UNC5D: variants seen among roughly 807,000 people sequenced by gnomAD.
UNC5D encodes unc-5 netrin receptor D, also known as netrin receptor UNC5D.
UNC5D carries 39 observed loss-of-function variants against 105.4 expected under a neutral mutation model. That is an observed-to-expected ratio of 0.37 (90% confidence interval 0.29 to 0.48). The LOEUF (loss-of-function observed/expected upper bound fraction) is 0.48. UNC5D is among the 20% of genes least tolerant of loss of function. The pLI is 0.98. For missense variants in UNC5D, 991 were observed against 1,202.4 expected, an observed-to-expected ratio of 0.82 and a Z score of 2.60; for synonymous variants, 452 against 450.4, an observed-to-expected ratio of 1.00 and a Z score of -0.04.
rs36035512 is a variant in UNC5D at position 35,267,082 on chromosome 8, A to ATT, written c.103+31212_103+31213dup. 7.6e-3 allele frequency among the ~76,000 whole-genome samples: 1,047 copies of ATT among 137,234 alleles called. 21 individuals are homozygous for ATT. Among genetic ancestry groups the ATT allele is most frequent in the African/African-American group, 0.018 (651 of 37,040 alleles). 90.0% of individuals were successfully genotyped at this position (137,234 alleles called of 152,430 possible). A position where few individuals can be genotyped will look rare whatever the true frequency, so the allele number is the denominator to read the frequency against. ...CCATATATCACTGCCACAGGGACTG[A>ATT]TTTTTTTTTTTTTTTTTTGATGAGC... On this transcript the variant is annotated intron_variant, in intron 1 of 16. Coordinates refer to ENST00000404895, the MANE Select transcript of UNC5D (RefSeq NM_080872.4).
At chr8:35,319,325 T>C (rs1349778716) in intron 1 of UNC5D, among the ~76,000 whole-genome samples, 1 of 152,148 alleles carries the variant, frequency 6.6e-6, no homozygotes, top group Non-Finnish European at 1.5e-5. Context: ...ATTTTAAATG[T>C]ATGCCTCTAC....
intron 1 of UNC5D, among the ~76,000 whole-genome samples, chr8:35,288,971 A>G (rs1806830587): frequency 6.6e-6 from 1 of 152,234 alleles, no homozygotes; most frequent in African/African-American, 2.4e-5. Flanking sequence ...ATCAGGAAAC[A>G]AATTACAAAA....
intron 4 of UNC5D, among the ~76,000 whole-genome samples, chr8:35,666,102 T>C (rs1470265667): frequency 6.6e-6 from 1 of 152,104 alleles, no homozygotes; most frequent in East Asian, 1.9e-4. Context: ...CTGAGATAAA[T>C]CTATGACCAC....
At chr8:35,360,032 G>T (rs944412851) in intron 1 of UNC5D, among the ~76,000 whole-genome samples, 8 of 152,150 alleles carry the variant, frequency 5.3e-5, no homozygotes, top group Non-Finnish European at 1.5e-5. Flanking sequence ...AAGAGTTTCA[G>T]AGTTTCTTTT....
intron 4 of UNC5D, among the ~76,000 whole-genome samples, chr8:35,645,527 C>CTGTGTGTG (rs374310163): frequency 1.6e-4 from 23 of 145,382 alleles, no homozygotes; most frequent in Non-Finnish European, 2.6e-4. Context: ...TGTGTGTGTG[C>CTGTGTGTG]TGTGTGTGTG....
intron 3 of UNC5D, among the ~76,000 whole-genome samples, chr8:35,577,926 T>C (rs1272555108): frequency 6.6e-6 from 1 of 152,220 alleles, no homozygotes; most frequent in East Asian, 1.9e-4. Flanking sequence ...ACTTCAATGA[T>C]ATCCTTAGAA....
At chr8:35,724,751 T>C (rs756771325) in intron 9 of UNC5D, among the ~76,000 whole-genome samples, 46 of 152,280 alleles carry the variant, frequency 3.0e-4, no homozygotes, top group Non-Finnish European at 5.9e-4. Flanking sequence ...GCATGTGGCT[T>C]TTGAGGTCTC....
At chr8:35,600,369 A>T (rs984818091) in intron 4 of UNC5D, among the ~76,000 whole-genome samples, 22 of 152,304 alleles carry the variant, frequency 1.4e-4, no homozygotes, top group African/African-American at 5.1e-4. Context: ...ATCCCTGAGG[A>T]ATTGCTGCAC....
At chr8:35,770,100 C>T (rs535550401) in intron 15 of UNC5D, among the ~76,000 whole-genome samples, 1 of 152,114 alleles carries the variant, frequency 6.6e-6, no homozygotes. Context: ...ACCCAGGTCT[C>T]TATTGGTGAG....
At chr8:35,325,293 A>G (rs893576223) in intron 1 of UNC5D, among the ~76,000 whole-genome samples, 1 of 152,204 alleles carries the variant, frequency 6.6e-6, no homozygotes, top group African/African-American at 2.4e-5. Flanking sequence ...AATTATTTTT[A>G]AAAAGACTTA....
chr8:35,517,947 G>A (rs146562437), intron 1 of UNC5D, among the ~76,000 whole-genome samples: 1 of 152,054 alleles, frequency 6.6e-6, no homozygotes, highest in South Asian at 2.1e-4. Context: ...TTTCATAAGG[G>A]CACTAGTCTC....
chr8:35,447,537 C>G (rs1263440755), intron 1 of UNC5D, among the ~76,000 whole-genome samples: 2 of 152,018 alleles, frequency 1.3e-5, no homozygotes, highest in Non-Finnish European at 2.9e-5. Context: ...TTTTCTAAGC[C>G]TGTTTCTACA....
intron 1 of UNC5D, 99 bp downstream of exon 1, chr8:35,235,986 G>A (rs1802431742): frequency 1.9e-6 from 2 of 1,062,344 alleles, no homozygotes; most frequent in East Asian, 3.3e-5. Context: ...CCCAACTTGC[G>A]CCCTGCACCT....
chr8:35,789,895 A>AACACACACACACAC (rs56702865), intron 16 of UNC5D, among the ~76,000 whole-genome samples: 95 of 142,776 alleles, frequency 6.7e-4, no homozygotes, highest in African/African-American at 2.4e-3. Flanking sequence ...TCAAGAAGAA[A>AACACACACACACAC]ACACACACAC....
chr8:35,250,275 CTTGT>C (rs975727250), intron 1 of UNC5D, among the ~76,000 whole-genome samples: 7 of 151,962 alleles, frequency 4.6e-5, no homozygotes, highest in African/African-American at 1.7e-4. Flanking sequence ...TTGTTGTTTG[CTTGT>C]TTGTTTGTTT....
chr8:35,615,221 G>C (rs867294185), intron 4 of UNC5D, among the ~76,000 whole-genome samples: 5 of 152,142 alleles, frequency 3.3e-5, no homozygotes, highest in Admixed American at 6.5e-5. Flanking sequence ...CGTGGGGCCA[G>C]AGATAACATT....
At chr8:35,513,436 T>C (rs1449767749) in intron 1 of UNC5D, among the ~76,000 whole-genome samples, 3 of 151,578 alleles carry the variant, frequency 2.0e-5, no homozygotes, top group African/African-American at 7.3e-5. Flanking sequence ...ATCATGTTGG[T>C]CAGGCTGGTC....
intron 1 of UNC5D, among the ~76,000 whole-genome samples, chr8:35,350,875 C>T (rs1484616741): frequency 2.0e-5 from 3 of 151,890 alleles, no homozygotes; most frequent in East Asian, 1.9e-4. Flanking sequence ...AGATTGTTGC[C>T]GTTTTTGTTG....
chr8:35,512,493 T>TTCAG (rs1812792809), intron 1 of UNC5D, among the ~76,000 whole-genome samples: 4 of 118,302 alleles, frequency 3.4e-5, no homozygotes, highest in African/African-American at 1.4e-4. Context: ...TATATATATA[T>TTCAG]ATATATATAT....
Sources: gnomAD v4.1 joint callset for allele counts (sites outside exome capture counted in the v4.1 genomes callset) on GRCh38, gnomAD v4.1.1 for gene constraint, MANE v1.5 for transcripts, NCBI Gene and HGNC (gene_info 2026-07-23, HGNC 2026-07-21) for gene names.